KLK5: variants seen among roughly 807,000 people sequenced by gnomAD.
The protein encoded by KLK5 is kallikrein related peptidase 5.
KLK5 carries 18 observed loss-of-function variants against 24.0 expected under a neutral mutation model. The observed-to-expected ratio is 0.75, with a 90% CI of 0.52 to 1.11. The LOEUF is 1.11. Ranked by LOEUF, KLK5 falls within the 50% of genes most tolerant of loss-of-function variation. The pLI, the probability that KLK5 is intolerant of heterozygous loss-of-function variation, is 0.00. For synonymous variants in KLK5, 140 were observed against 154.0 expected (o/e 0.91, Z 0.67); for missense variants, 374 against 379.2 (o/e 0.99, Z 0.11).
intron 3 of KLK5, 64 bp downstream of exon 3, chr19:50,949,791 A>G (rs996804488): frequency 2.8e-5 from 2 of 71,648 alleles, no homozygotes; most frequent in South Asian, 1.8e-4. Flanking sequence ...CCCCACCCCC[A>G]CTTCCCCACC....
intron 5 of KLK5, among the ~76,000 whole-genome samples, chr19:50,948,383 A>G (rs2090653526): frequency 6.6e-6 from 1 of 152,096 alleles, no homozygotes; most frequent in Admixed American, 6.6e-5. Context: ...TCAGCCTCCC[A>G]AAGTGCTGGG....
intron 2 of KLK5, among the ~76,000 whole-genome samples, chr19:50,951,826 G>T (rs879924095): frequency 2.2e-4 from 34 of 152,150 alleles, no homozygotes; most frequent in Middle Eastern, 3.2e-3. Flanking sequence ...CAGATGTTCA[G>T]ACTGCCACAT....
At chr19:50,946,805 C>T (rs560130885) in intron 5 of KLK5, among the ~76,000 whole-genome samples, 274 of 152,098 alleles carry the variant, frequency 1.8e-3, no homozygotes, top group African/African-American at 5.7e-3. Flanking sequence ...GTGATCCACC[C>T]GCCTCGGCCT....
At position 50,949,926 on chromosome 19, in the gene KLK5, G is replaced by T; in HGVS notation, c.264C>A (p.Pro88=). The change falls in exon 3 of 6, where the codon CCC becomes CCA. Residue 88 remains proline, a synonymous_variant. Transcript: ENST00000336334. ...QPWQAALLLR[P]NQLYCGAVLV... ...ACACCGCCCCGCAGTAGAGCTGGTT[G>T]GGCCTTAGCAACAGCGCGGCCTGCC... 1 of 1,613,556 alleles carries T rather than the reference G, an allele frequency of 6.2e-7. No individual in the cohort carries two copies. Among genetic ancestry groups the T allele is most frequent in the Non-Finnish European group, 8.5e-7 (1 of 1,179,972 alleles).
rs1319453481 is a variant in KLK5, at chr19:50,949,886, A to G, written c.304T>C (p.Trp102Arg). ...CTGCAGTGGGCGGCCGTGAGCAGCC[A>G]CTGTGGATGCACCAACACCGCCCCG... The part of the protein sequence containing the change: ...YCGAVLVHPQ[W>R]LLTAAHCRKK... Residue 102 changes from tryptophan to arginine, a missense_variant, in exon 3 of 6, where the codon TGG becomes CGG. Coordinates refer to ENST00000336334, the MANE Select transcript of KLK5 (RefSeq NM_012427.5). 4.8e-6 allele frequency: 7 copies of G among 1,451,570 alleles called. No homozygotes were observed. Among genetic ancestry groups the G allele is most frequent in the Non-Finnish European group, 6.5e-6 (7 of 1,078,330 alleles). The allele number at this position is 1,451,570 out of a possible 1,614,324, so 89.9% of individuals were successfully genotyped here. A position where few individuals can be genotyped will look rare whatever the true frequency, so the allele number is the denominator to read the frequency against.
At chr19:50,945,067 CT>C (rs1294909400) in intron 5 of KLK5, among the ~76,000 whole-genome samples, 219 of 141,118 alleles carry the variant, frequency 1.6e-3, no homozygotes, top group Admixed American at 4.6e-3. Flanking sequence ...TTTCTCCTTC[CT>C]TCCTTCCTTT....
In KLK5 at chr19:50,948,296, AT is replaced by A. The variant is rs994882754; in HGVS notation, c.726+343del. ...GCCACCATGCCAGGCTAATTTTTGT[AT>A]TTTTTTTTAGAGACAGAGTTTCGCC... On this transcript the variant is annotated intron_variant, in intron 5 of 5. Coordinates refer to ENST00000336334, the MANE Select transcript of KLK5 (RefSeq NM_012427.5). Among the ~76,000 whole-genome samples the A allele has an allele frequency of 7.5e-4, 113 of 149,920 alleles. 1 individual carries two copies. The highest frequency in any genetic ancestry group is 2.3e-3 in the African/African-American group (94 of 40,906).
At chr19:50,948,801 G>A in intron 4 of KLK5, 28 bp from the exon 5 acceptor site, 1 of 1,614,110 alleles carries the variant, frequency 6.2e-7, no homozygotes, top group Non-Finnish European at 8.5e-7. Flanking sequence ...AATGAGAAGT[G>A]GAGAAAGATG....
intron 3 of KLK5, 39 bp downstream of exon 3, chr19:50,949,816 C>T (rs1310470479): frequency 2.0e-6 from 2 of 995,082 alleles, no homozygotes; most frequent in Non-Finnish European, 3.0e-6. Flanking sequence ...CCCCCACTTC[C>T]CCGTCCCCAC....
In KLK5 at chr19:50,947,843, C is replaced by T. The variant is rs2090649214; in HGVS notation, c.726+797G>A. Among the ~76,000 whole-genome samples the T allele has an allele frequency of 6.6e-6, 1 of 152,198 alleles. No individual in the cohort carries two copies. The highest frequency in any genetic ancestry group is 1.5e-5 in the Non-Finnish European group (1 of 68,034). ...TTATGCAGTGCACAACCTGCCCAAC[C>T]ATACAAAACAGCCCTGATCTTTCCC... On this transcript the variant is annotated intron_variant, in intron 5 of 5. Transcript: ENST00000336334. The surrounding 1 kb of genome is among the most constrained non-coding windows in gnomAD (Gnocchi z 8.7).
At chr19:50,944,832 G>T (rs566066919) in intron 5 of KLK5, among the ~76,000 whole-genome samples, 1 of 151,982 alleles carries the variant, frequency 6.6e-6, no homozygotes, top group African/African-American at 2.4e-5. Context: ...AAATCCATTC[G>T]CTTGGACTAA....
chr19:50,945,225 CA>C (rs1257363301), intron 5 of KLK5, among the ~76,000 whole-genome samples: 2 of 151,754 alleles, frequency 1.3e-5, no homozygotes, highest in Non-Finnish European at 2.9e-5. Context: ...TCTCCCACCT[CA>C]GCCTCCCAAG....
Position 50,952,749 on chromosome 19 carries a change from T to G in KLK5, c.-14A>C, listed in dbSNP as rs2659093. On this transcript the variant is annotated splice_region_variant and 5_prime_UTR_variant, in exon 1 of 6. Coordinates refer to ENST00000336334, the MANE Select transcript of KLK5 (RefSeq NM_012427.5). ...CCCACTTCCCCTCCCTCCCCTACCTTATTTCCCCAGGTAGAGAGGAACCAC... is the reference window on the plus strand; with the variant it reads ...CCCACTTCCCCTCCCTCCCCTACCTGATTTCCCCAGGTAGAGAGGAACCAC... 359,582 of 868,924 alleles carry G rather than the reference T, an allele frequency of 0.41. 79,187 individuals are homozygous for G. Among genetic ancestry groups the G allele is most frequent in the East Asian group, 0.78 (26,524 of 34,146 alleles). 53.8% of individuals were successfully genotyped at this position (868,924 alleles called of 1,614,324 possible).
At chr19:50,944,347 C>T (rs117307751) in intron 5 of KLK5, among the ~76,000 whole-genome samples, 6 of 152,260 alleles carry the variant, frequency 3.9e-5, no homozygotes, top group Non-Finnish European at 8.8e-5. Flanking sequence ...CTCTCCACTC[C>T]ATCTTCCTCT....
chr19:50,944,522 T>C (rs1224101261), intron 5 of KLK5, among the ~76,000 whole-genome samples: 4 of 152,162 alleles, frequency 2.6e-5, no homozygotes, highest in Non-Finnish European at 5.9e-5. Context: ...GCAGGCCTTA[T>C]TTCTCTTACT....
At chr19:50,944,160 C>A (rs567670959) in intron 5 of KLK5, among the ~76,000 whole-genome samples, 3 of 152,036 alleles carry the variant, frequency 2.0e-5, no homozygotes, top group Non-Finnish European at 2.9e-5. Context: ...TCCATCACCA[C>A]ACCCGGCTAA....
In KLK5 at chr19:50,947,560, AC is replaced by A. The variant is rs2090646525; in HGVS notation, c.726+1079del. On this transcript the variant is annotated intron_variant, in intron 5 of 5. Coordinates refer to ENST00000336334, the MANE Select transcript of KLK5 (RefSeq NM_012427.5). The surrounding 1 kb of genome is among the most constrained non-coding windows in gnomAD (Gnocchi z 8.7). ...ATTGCCCTATTTATGCAGATTCTTG[AC>A]CACAGAGTTTTTTATTTTTTAACTT... is the stretch of plus-strand genomic sequence containing the variant. 6.6e-6 allele frequency among the ~76,000 whole-genome samples: 1 copy of A among 152,154 alleles called. No individual in the cohort carries two copies. Among genetic ancestry groups the A allele is most frequent in the Non-Finnish European group, 1.5e-5 (1 of 68,014 alleles).
intron 5 of KLK5, among the ~76,000 whole-genome samples, chr19:50,945,223 C>A (rs1456335611): frequency 6.6e-6 from 1 of 151,750 alleles, no homozygotes; most frequent in African/African-American, 2.4e-5. Flanking sequence ...ATTCTCCCAC[C>A]TCAGCCTCCC....
At chr19:50,944,607 C>T (rs1236999579) in intron 5 of KLK5, among the ~76,000 whole-genome samples, 1 of 152,192 alleles carries the variant, frequency 6.6e-6, no homozygotes, top group Non-Finnish European at 1.5e-5. Context: ...CGGTTCTCAG[C>T]CCCTGGATGA....
Sources: allele counts gnomAD v4.1 joint callset (sites outside exome capture counted in the v4.1 genomes callset), GRCh38; gene constraint gnomAD v4.1.1; non-coding constraint Gnocchi (gnomAD v3.1); transcripts MANE v1.5; gene names NCBI Gene and HGNC (gene_info 2026-07-23, HGNC 2026-07-21).